TTC17: variants seen among roughly 807,000 people sequenced by gnomAD.
TTC17 encodes tetratricopeptide repeat domain 17, also known as tetratricopeptide repeat protein 17.
In TTC17, 58 loss-of-function variants were observed where a neutral mutation model predicts 143.8. The ratio of observed to expected loss-of-function variants is 0.40; its 90% CI spans 0.33 to 0.50. The LOEUF is 0.50. Among genes scored for constraint, TTC17 ranks in the 20% least tolerant of loss-of-function variants. The probability of loss-of-function intolerance (pLI) is 0.49; values close to 1 mark genes in which losing one functional copy is unlikely to be tolerated. For synonymous variants in TTC17, 501 were observed against 497.8 expected, an observed-to-expected ratio of 1.01 and a Z score of -0.09; for missense variants, 1,273 against 1,392.5, an observed-to-expected ratio of 0.91 and a Z score of 1.37.
At chr11:43,410,095 C>T (rs753949326) in intron 15 of TTC17, among the ~76,000 whole-genome samples, 14 of 152,092 alleles carry the variant, frequency 9.2e-5, no homozygotes, top group South Asian at 2.1e-4. Flanking sequence ...TCAAGTGATC[C>T]GCCCGCCTTG....
chr11:43,366,913 G>A (rs907751186), intron 1 of TTC17, among the ~76,000 whole-genome samples: 8 of 151,990 alleles, frequency 5.3e-5, no homozygotes, highest in African/African-American at 1.5e-4. Context: ...CCCAACACTC[G>A]AGTCTAGCTG....
chr11:43,453,568 T>A (rs1277207435), intron 21 of TTC17, among the ~76,000 whole-genome samples: 1 of 152,172 alleles, frequency 6.6e-6, no homozygotes, highest in Admixed American at 6.5e-5. Context: ...GTAACAAATA[T>A]TGTTTCCATG....
chr11:43,419,594 T>C (rs1565156486), intron 16 of TTC17, among the ~76,000 whole-genome samples: 1 of 152,212 alleles, frequency 6.6e-6, no homozygotes, highest in Non-Finnish European at 1.5e-5. Flanking sequence ...TGAAGGATCT[T>C]TGCTTTATCA....
chr11:43,461,428 T>TGTAA (rs1947866486), intron 21 of TTC17, among the ~76,000 whole-genome samples: 1 of 148,894 alleles, frequency 6.7e-6, no homozygotes, highest in Non-Finnish European at 1.5e-5. Context: ...TAGAAGCCAT[T>TGTAA]GTAACAACAT....
In TTC17 at chr11:43,407,569, A is replaced by T. The variant is rs1367759070; in HGVS notation, c.2056A>T (p.Ser686Cys). ...KLLLQALAIN[S>C]SEPLTFLSLG... ...GCTACTTCAAGCTTTGGCCATCAATAGCTCTGAGGTGAGGTTTTAAGGGAT... is the reference window on the plus strand; with the variant it reads ...GCTACTTCAAGCTTTGGCCATCAATTGCTCTGAGGTGAGGTTTTAAGGGAT... Residue 686 changes from serine (S) to cysteine (C), a missense_variant, in exon 15 of 24, where the codon AGC becomes TGC. Physicochemically the swap from Ser to Cys is moderately radical, Grantham distance 112. Coordinates refer to ENST00000039989, the MANE Select transcript of TTC17 (RefSeq NM_018259.6). The T allele has an allele frequency of 2.5e-6, 4 of 1,613,864 alleles. No homozygotes were observed. Among genetic ancestry groups the T allele is most frequent in the Non-Finnish European group, 3.4e-6 (4 of 1,179,902 alleles).
chr11:43,404,293 A>G, intron 11 of TTC17, 149 bp downstream of exon 11: 3 of 725,996 alleles, frequency 4.1e-6, no homozygotes, highest in Non-Finnish European at 4.1e-6. Flanking sequence ...AATGGAAGCT[A>G]TTCTGCTAGG....
chr11:43,483,136 AAAAG>A (rs1232054304), intron 21 of TTC17, among the ~76,000 whole-genome samples: 2 of 152,084 alleles, frequency 1.3e-5, no homozygotes, highest in African/African-American at 2.4e-5. Flanking sequence ...TTCAAGAACA[AAAAG>A]AAAACCTGAA....
intron 16 of TTC17, among the ~76,000 whole-genome samples, chr11:43,442,843 A>C (rs1272202668): frequency 6.6e-6 from 1 of 152,210 alleles, no homozygotes; most frequent in Non-Finnish European, 1.5e-5. Flanking sequence ...GGGAGCCTTC[A>C]TGTAGAATTA....
At chr11:43,373,324 CTTT>C (rs1358080544) in intron 1 of TTC17, among the ~76,000 whole-genome samples, 6 of 134,772 alleles carry the variant, frequency 4.5e-5, no homozygotes, top group Admixed American at 7.5e-5. Flanking sequence ...TTAAAAGAAG[CTTT>C]TTTTTTTTTT....
chr11:43,445,736 C>A (rs1374995090), intron 18 of TTC17, among the ~76,000 whole-genome samples: 1 of 152,082 alleles, frequency 6.6e-6, no homozygotes, highest in Admixed American at 6.5e-5. Flanking sequence ...ATTCAAAAAC[C>A]CAATTTTCAA....
Position 43,444,095 on chromosome 11 carries a change from G to A in TTC17, c.2551G>A (p.Asp851Asn). 2 of 1,613,184 alleles carry A rather than the reference G, an allele frequency of 1.2e-6. No individual in the cohort carries two copies. Among genetic ancestry groups the A allele is most frequent in the Non-Finnish European group, 1.7e-6 (2 of 1,179,676 alleles). Residue 851 changes from aspartate (D) to asparagine (N), a missense_variant, in exon 18 of 24, where the codon GAT becomes AAT. Asp to Asn is a conservative substitution (Grantham distance 23). Around this residue, in one of 3 missense-constraint regions of TTC17, gnomAD observed 878 missense variants for 899.8 expected, o/e 0.98. Coordinates refer to ENST00000039989, the MANE Select transcript of TTC17 (RefSeq NM_018259.6). ...QVKRVKKPKG[D>N]HKKTPGKKVE... ...CAAACGTGTAAAGAAACCCAAAGGA[G>A]ATCATAAGAAAACTCCTGGGAAAAA...
intron 16 of TTC17, among the ~76,000 whole-genome samples, chr11:43,416,335 G>A (rs959549559): frequency 3.9e-5 from 6 of 152,032 alleles, no homozygotes; most frequent in Non-Finnish European, 8.8e-5. Context: ...CCTCAACTCT[G>A]TTGAAATTTA....
intron 21 of TTC17, among the ~76,000 whole-genome samples, chr11:43,453,287 G>A (rs1177980689): frequency 1.3e-5 from 2 of 151,912 alleles, no homozygotes; most frequent in Admixed American, 1.3e-4. Flanking sequence ...AATATATTTT[G>A]TTAAAAGGGT....
At chr11:43,490,393 C>T (rs1564987384) in intron 22 of TTC17, 35 bp downstream of exon 22, 1 of 1,571,212 alleles carries the variant, frequency 6.4e-7, no homozygotes. Flanking sequence ...ACTTCTGCCC[C>T]TTTGTCCTTT....
rs757347990 is a variant in TTC17, at chr11:43,414,582, C to T, written c.2065-8C>T. ...ATTAACATTTTGCCGATTTTTTTTT[C>T]TTTTCAGCCTCTGACCTTTTTGAGC... On this transcript the variant is annotated splice_region_variant and splice_polypyrimidine_tract_variant and intron_variant, in intron 15 of 23. Transcript: ENST00000039989. The T allele has an allele frequency of 8.9e-6, 14 of 1,573,940 alleles. No homozygotes were observed. The highest frequency in any genetic ancestry group is 6.0e-5 in the Admixed American group (3 of 50,328).
chr11:43,432,212 C>T (rs977364542), intron 16 of TTC17, among the ~76,000 whole-genome samples: 44 of 123,136 alleles, frequency 3.6e-4, no homozygotes, highest in African/African-American at 1.4e-3. Context: ...TGACTTTACC[C>T]GTCAGGAGAC....
Position 43,396,771 on chromosome 11 carries a change from A to G in TTC17, c.726A>G (p.Pro242=), listed in dbSNP as rs1289190310. 1.2e-6 allele frequency: 2 copies of G among 1,611,486 alleles called. No homozygotes were observed. The highest frequency in any genetic ancestry group is 1.7e-5 in the Admixed American group (1 of 59,950). ...ASFYWRIKNE[P]YQVVECAMRA... is the part of the protein sequence containing the mutation. ...TTTACTGGAGAATTAAGAATGAGCC[A>G]TATCAGGTAGTAGAATGTGCCATGC... The change falls in exon 6 of 24, where the codon CCA becomes CCG. Residue 242 remains proline (P), a synonymous_variant. Coordinates refer to ENST00000039989, the MANE Select transcript of TTC17 (RefSeq NM_018259.6).
intron 1 of TTC17, among the ~76,000 whole-genome samples, chr11:43,359,775 G>A (rs72898996): frequency 0.092 from 13,983 of 152,250 alleles, 788 homozygotes; most frequent in Middle Eastern, 0.16. Context: ...GTTTCCCAGT[G>A]CACTTTGCTT....
At chr11:43,375,069 TG>T (rs1423022151) in intron 1 of TTC17, among the ~76,000 whole-genome samples, 5 of 152,228 alleles carry the variant, frequency 3.3e-5, no homozygotes, top group Non-Finnish European at 5.9e-5. Flanking sequence ...AGATACAGTT[TG>T]ATTCAGGACT....
Sources: allele counts gnomAD v4.1 joint callset (sites outside exome capture counted in the v4.1 genomes callset), GRCh38; gene constraint gnomAD v4.1.1; regional missense constraint gnomAD v4.1.1; transcripts MANE v1.5; gene names NCBI Gene and HGNC (gene_info 2026-07-23, HGNC 2026-07-21).